Variants in ANTXR1 observed in about 807,000 individuals in gnomAD.
ANTXR1 encodes the protein anthrax toxin receptor 1.
Under a neutral mutation model 78.1 loss-of-function variants are expected in ANTXR1, and 19 were observed. The observed-to-expected ratio is 0.24, with a 90% CI of 0.17 to 0.36. ANTXR1 has a LOEUF of 0.36. ANTXR1 is among the 10% of genes least tolerant of loss of function. The pLI, the probability that ANTXR1 is intolerant of heterozygous loss-of-function variation, is 1.00. For synonymous variants in ANTXR1, 273 were observed against 260.5 expected, an observed-to-expected ratio of 1.05 and a Z score of -0.46; for missense variants, 518 against 718.6, an observed-to-expected ratio of 0.72 and a Z score of 3.19.
At chr2:69,167,790 C>T (rs750763411) in intron 13 of ANTXR1, among the ~76,000 whole-genome samples, 5 of 152,126 alleles carry the variant, frequency 3.3e-5, no homozygotes, top group African/African-American at 1.2e-4. Flanking sequence ...AGCTCAGGTG[C>T]CCAACTTACA....
chr2:69,120,068 C>G (rs902349235), intron 10 of ANTXR1, among the ~76,000 whole-genome samples: 1 of 152,180 alleles, frequency 6.6e-6, no homozygotes, highest in African/African-American at 2.4e-5. Context: ...ATTTAATACA[C>G]CTAACTTCCC....
intron 8 of ANTXR1, 145 bp from the exon 9 acceptor site, chr2:69,090,714 A>G (rs1671204251): frequency 1.4e-6 from 1 of 720,880 alleles, no homozygotes; most frequent in East Asian, 2.7e-5. Context: ...GGTACTAGTC[A>G]AGATGTTAGA....
At chr2:69,077,074 A>G (rs1029465826) in intron 7 of ANTXR1, among the ~76,000 whole-genome samples, 4 of 152,246 alleles carry the variant, frequency 2.6e-5, no homozygotes, top group Non-Finnish European at 2.9e-5. Flanking sequence ...TGAAGGGGAG[A>G]AAAATGAGCC....
At chr2:69,076,590 TG>T (rs10714904) in intron 7 of ANTXR1, among the ~76,000 whole-genome samples, 3,088 of 152,322 alleles carry the variant, frequency 0.02, 101 homozygotes, top group African/African-American at 0.069. Context: ...AATAGACATT[TG>T]TATGTTCACA....
At chr2:69,231,352 C>T (rs945136741) in intron 17 of ANTXR1, among the ~76,000 whole-genome samples, 1 of 152,058 alleles carries the variant, frequency 6.6e-6, no homozygotes, top group African/African-American at 2.4e-5. Context: ...GCATAAAGTC[C>T]TAGTCCATCA....
At chr2:69,239,918 TG>T (rs1675856675) in intron 17 of ANTXR1, among the ~76,000 whole-genome samples, 2 of 152,242 alleles carry the variant, frequency 1.3e-5, no homozygotes, top group Non-Finnish European at 2.9e-5. Context: ...CAAAGCTTTT[TG>T]TTGAGAACAA....
intron 13 of ANTXR1, among the ~76,000 whole-genome samples, chr2:69,159,810 T>C (rs1673629067): frequency 6.6e-6 from 1 of 152,222 alleles, no homozygotes; most frequent in African/African-American, 2.4e-5. Context: ...ATTCATTTAA[T>C]TGAATTTCAA....
intron 17 of ANTXR1, among the ~76,000 whole-genome samples, chr2:69,229,568 A>G (rs1675537639): frequency 6.6e-6 from 1 of 152,282 alleles, no homozygotes; most frequent in Admixed American, 6.5e-5. Flanking sequence ...TTGAAAGACT[A>G]TACTAATTGT....
chr2:69,216,569 T>A (rs1271758575), intron 17 of ANTXR1, among the ~76,000 whole-genome samples: 1 of 152,112 alleles, frequency 6.6e-6, no homozygotes, highest in Non-Finnish European at 1.5e-5. Flanking sequence ...TGAAACACAG[T>A]GTGTCCAGAT....
intron 1 of ANTXR1, among the ~76,000 whole-genome samples, chr2:69,027,744 T>G (rs1671391145): frequency 6.6e-6 from 1 of 151,344 alleles, no homozygotes; most frequent in Non-Finnish European, 1.5e-5. Flanking sequence ...GTTTAGCACC[T>G]TAAGATAAGT....
At chr2:69,160,671 T>G (rs1160743000) in intron 13 of ANTXR1, among the ~76,000 whole-genome samples, 1 of 152,208 alleles carries the variant, frequency 6.6e-6, no homozygotes, top group Non-Finnish European at 1.5e-5. Flanking sequence ...AAGAGGTATT[T>G]AGACAGTGAG....
chr2:69,235,407 T>C (rs1199225526), intron 17 of ANTXR1, among the ~76,000 whole-genome samples: 2 of 152,028 alleles, frequency 1.3e-5, no homozygotes, highest in Non-Finnish European at 2.9e-5. Flanking sequence ...CCCAGCACTT[T>C]GGGAGACCAA....
At chr2:69,073,435 T>C (rs1291243730) in intron 6 of ANTXR1, among the ~76,000 whole-genome samples, 1 of 152,230 alleles carries the variant, frequency 6.6e-6, no homozygotes, top group East Asian at 1.9e-4. Context: ...AACATTGATA[T>C]AATTTTTCCT....
At chr2:69,046,801 T>C (rs1290336160) in intron 3 of ANTXR1, among the ~76,000 whole-genome samples, 1 of 152,206 alleles carries the variant, frequency 6.6e-6, no homozygotes, top group African/African-American at 2.4e-5. Flanking sequence ...TGTATTTTTC[T>C]ATCTCACTTG....
rs538709905 is a variant in ANTXR1 at position 69,210,668 on chromosome 2, G to A, written c.1434+17253G>A. 2.0e-5 allele frequency among the ~76,000 whole-genome samples: 3 copies of A among 152,300 alleles called. No individual in the cohort carries two copies. The South Asian group carries it at 6.2e-4, about 32-fold the overall frequency. ...AACCAGATGTTGGCTGGGTATGCTG[G>A]CTCAGGCCTGTAATCCCAGCACTTT... On this transcript the variant is annotated intron_variant, in intron 17 of 17. Coordinates refer to ENST00000303714, the MANE Select transcript of ANTXR1 (RefSeq NM_032208.3).
chr2:69,188,890 C>T (rs780532587), intron 16 of ANTXR1, among the ~76,000 whole-genome samples: 1 of 152,218 alleles, frequency 6.6e-6, no homozygotes, highest in Non-Finnish European at 1.5e-5. Flanking sequence ...TTGTTATTAA[C>T]GAGCCCACTA....
intron 12 of ANTXR1, among the ~76,000 whole-genome samples, chr2:69,142,110 T>C (rs1237377688): frequency 1.3e-5 from 2 of 152,278 alleles, no homozygotes; most frequent in East Asian, 1.9e-4. Flanking sequence ...TATTAGTAAG[T>C]AGAAGTTTAG....
At position 69,248,209 on chromosome 2, in the gene ANTXR1, CTGTTT is replaced by C. The variant is rs1300106415; in HGVS notation, c.*2726_*2730del. On this transcript the variant is annotated 3_prime_UTR_variant, in exon 18 of 18. Transcript: ENST00000303714. ...GCCCCCGTGTTATTGTCCTTTTGAA[CTGTTT>C]TTTTTTTTATTAAAGCCAAATTTGT... 1 of 148,986 alleles carries C rather than the reference CTGTTT, an allele frequency of 6.7e-6. No individual in the cohort carries two copies. Among genetic ancestry groups the C allele is most frequent in the African/African-American group, 3.6e-5 (1 of 28,160 alleles). 9.2% of individuals were successfully genotyped at this position (148,986 alleles called of 1,614,324 possible). A position where few individuals can be genotyped will look rare whatever the true frequency, so the allele number is the denominator to read the frequency against.
rs145840293 is a variant in ANTXR1 at position 69,101,549 on chromosome 2, G to A, written c.704-1293G>A. On this transcript the variant is annotated intron_variant, in intron 9 of 17. Transcript: ENST00000303714. ...ACAGAGGGCCTGGCTCACATTGAGGGAGCAATTAGCATTAGTTATTATTGT... is the reference window on the plus strand; with the variant it reads ...ACAGAGGGCCTGGCTCACATTGAGGAAGCAATTAGCATTAGTTATTATTGT... Among the ~76,000 whole-genome samples, 215 of 152,310 alleles carry A rather than the reference G, an allele frequency of 1.4e-3. No individual in the cohort carries two copies. In the Middle Eastern group the frequency reaches 0.021, roughly 15 times the overall value.
Sources: gnomAD v4.1 joint callset for allele counts (sites outside exome capture counted in the v4.1 genomes callset) on GRCh38, gnomAD v4.1.1 for gene constraint, MANE v1.5 for transcripts, NCBI Gene and HGNC (gene_info 2026-07-23, HGNC 2026-07-21) for gene names.